The following TBX15 variants were observed in gnomAD, a reference collection of about 807,000 sequenced individuals.
TBX15 encodes T-box transcription factor TBX15.
In TBX15, 18 loss-of-function variants were observed where a neutral mutation model predicts 53.9. The observed-to-expected ratio is 0.33, with a 90% CI of 0.23 to 0.49. The LOEUF (loss-of-function observed/expected upper bound fraction) is 0.49. Among genes scored for constraint, TBX15 ranks in the 20% least tolerant of loss-of-function variants. The pLI, the probability that TBX15 is intolerant of heterozygous loss-of-function variation, is 0.98. For synonymous variants in TBX15, 295 were observed against 278.0 expected (o/e 1.06, Z -0.61); for missense variants, 692 against 749.5 (o/e 0.92, Z 0.90).
At chr1:118,917,312 G>A (rs761185899) in intron 5 of TBX15, among the ~76,000 whole-genome samples, 16 of 152,106 alleles carry the variant, frequency 1.1e-4, no homozygotes, top group East Asian at 1.9e-4. Context: ...GCAAACGAAC[G>A]CAGGAACAGA....
chr1:118,949,792 G>C (rs1337997812), intron 1 of TBX15, among the ~76,000 whole-genome samples: 2 of 152,120 alleles, frequency 1.3e-5, no homozygotes, highest in African/African-American at 4.8e-5. Flanking sequence ...AGGACCCCGA[G>C]AACTGGGAGA....
chr1:118,903,023 T>G (rs1290427959), intron 6 of TBX15, among the ~76,000 whole-genome samples: 1 of 152,062 alleles, frequency 6.6e-6, no homozygotes, highest in East Asian at 1.9e-4. Context: ...AGAGACCTGA[T>G]GTCATCTCTG....
At chr1:118,950,462 G>C (rs1010811899) in intron 1 of TBX15, among the ~76,000 whole-genome samples, 4 of 152,184 alleles carry the variant, frequency 2.6e-5, no homozygotes, top group Non-Finnish European at 4.4e-5. Flanking sequence ...CTCATCTTTG[G>C]CCTTAAACAT....
chr1:118,910,408 TTTG>T (rs10638324), intron 6 of TBX15, among the ~76,000 whole-genome samples: 30,085 of 151,290 alleles, frequency 0.2, 3,662 homozygotes, highest in East Asian at 0.53. Flanking sequence ...TTACAAGATT[TTTG>T]TTGTTGTTGT....
chr1:118,939,116 G>T (rs528707184), intron 1 of TBX15, among the ~76,000 whole-genome samples: 1 of 152,000 alleles, frequency 6.6e-6, no homozygotes, highest in East Asian at 1.9e-4. Flanking sequence ...GTGAATTAAC[G>T]CAGGAGCAGG....
chr1:118,919,234 G>A (rs138977732), intron 5 of TBX15, among the ~76,000 whole-genome samples: 55 of 152,320 alleles, frequency 3.6e-4, no homozygotes, highest in African/African-American at 1.3e-3. Context: ...TTTTCCCCCA[G>A]AGAAGACAAA....
rs150073093 is a variant in TBX15, at chr1:118,931,118, T to C, written c.419+501A>G. On this transcript the variant is annotated intron_variant, in intron 2 of 7. Coordinates refer to ENST00000369429, the MANE Select transcript of TBX15 (RefSeq NM_001330677.2). ...ACAGTTTTACAAGAAATTCCATAGG[T>C]CACCAATAAAGTTGTGTAATAATTT... Among the ~76,000 whole-genome samples, 435 of 152,352 alleles carry C rather than the reference T, an allele frequency of 2.9e-3. 1 individual carries two copies. Among genetic ancestry groups the C allele is most frequent in the African/African-American group, 0.01 (418 of 41,590 alleles).
chr1:118,893,949 G>C (rs2101477971), intron 7 of TBX15, among the ~76,000 whole-genome samples: 1 of 152,332 alleles, frequency 6.6e-6, no homozygotes, highest in East Asian at 1.9e-4. Flanking sequence ...GTGGATAAGA[G>C]ACATTAATGA....
intron 7 of TBX15, among the ~76,000 whole-genome samples, chr1:118,887,607 G>A (rs758277086): frequency 6.6e-6 from 1 of 151,892 alleles, no homozygotes; most frequent in Non-Finnish European, 1.5e-5. Flanking sequence ...CCCAGGAGGC[G>A]GAGGCTGCAG....
chr1:118,915,515 C>A (rs1267400676), intron 5 of TBX15, among the ~76,000 whole-genome samples: 1 of 152,180 alleles, frequency 6.6e-6, no homozygotes, highest in East Asian at 1.9e-4. Flanking sequence ...TTATGCAGCA[C>A]CAACAATGTA....
intron 2 of TBX15, among the ~76,000 whole-genome samples, chr1:118,930,485 G>T (rs1655742538): frequency 6.6e-6 from 1 of 152,126 alleles, no homozygotes; most frequent in Non-Finnish European, 1.5e-5. Flanking sequence ...GCACGATCTT[G>T]GCTCACTGCA....
At chr1:118,911,223 T>C (rs1655015919) in intron 6 of TBX15, among the ~76,000 whole-genome samples, 1 of 152,046 alleles carries the variant, frequency 6.6e-6, no homozygotes, top group South Asian at 2.1e-4. Flanking sequence ...AAAATACGAG[T>C]TGTTTTGAAG....
Position 118,931,706 on chromosome 1 carries a change from T to C in TBX15, c.332A>G (p.Glu111Gly). 1.2e-6 allele frequency: 2 copies of C among 1,613,986 alleles called. No homozygotes were observed. Among genetic ancestry groups the C allele is most frequent in the Non-Finnish European group, 1.7e-6 (2 of 1,179,954 alleles). ...GPVPAAMSSM[E>G]EIQVELQCAD... is the part of the protein sequence containing the mutation. Reference sequence around the variant, plus strand: ...ACATTGCAGCTCCACCTGAATCTCCTCCATGGAAGACATGGCAGCAGGCAC... The same window carrying C: ...ACATTGCAGCTCCACCTGAATCTCCCCCATGGAAGACATGGCAGCAGGCAC... Residue 111 changes from glutamate to glycine, a missense_variant, in exon 2 of 8, where the codon GAG (glutamate) becomes GGG (glycine). Around this residue, in one of 3 missense-constraint regions of TBX15, gnomAD observed 307 missense variants for 347.5 expected, o/e 0.88. Transcript: ENST00000369429.
At chr1:118,906,490 T>C (rs1654832446) in intron 6 of TBX15, among the ~76,000 whole-genome samples, 3 of 152,082 alleles carry the variant, frequency 2.0e-5, no homozygotes, top group Admixed American at 1.3e-4. Context: ...CACCTTCCAT[T>C]GGGTGTTGTG....
chr1:118,950,176 A>G lies in TBX15; in HGVS notation c.206-18344T>C, dbSNP rs896118407. Among the ~76,000 whole-genome samples the G allele has an allele frequency of 2.6e-5, 4 of 152,352 alleles. No homozygotes were observed. The South Asian group carries it at 8.3e-4, about 32-fold the overall frequency. On this transcript the variant is annotated intron_variant, in intron 1 of 7. Coordinates refer to ENST00000369429, the MANE Select transcript of TBX15 (RefSeq NM_001330677.2). The stretch of plus-strand genomic sequence containing the variant: ...AAGAAATTGTAAAAGACTGCTCTTC[A>G]GTGGCAGAAGGAACCCCCTCTTCAT...
intron 6 of TBX15, among the ~76,000 whole-genome samples, chr1:118,905,462 G>A (rs1486286059): frequency 2.6e-5 from 4 of 152,190 alleles, no homozygotes; most frequent in Admixed American, 6.5e-5. Context: ...CAGAAAAAAT[G>A]TTAAGTACTG....
intron 1 of TBX15, among the ~76,000 whole-genome samples, chr1:118,936,354 C>T (rs1038601413): frequency 7.2e-5 from 11 of 152,096 alleles, no homozygotes; most frequent in African/African-American, 2.7e-4. Context: ...ATTTTAAAAG[C>T]ATATTTTACA....
At chr1:118,910,940 C>G (rs1359688697) in intron 6 of TBX15, among the ~76,000 whole-genome samples, 1 of 152,128 alleles carries the variant, frequency 6.6e-6, no homozygotes, top group Non-Finnish European at 1.5e-5. Flanking sequence ...TGAGAATATA[C>G]AGTTTGATTT....
intron 1 of TBX15, among the ~76,000 whole-genome samples, chr1:118,985,751 CTG>C (rs1255651820): frequency 6.6e-6 from 1 of 152,224 alleles, no homozygotes; most frequent in Non-Finnish European, 1.5e-5. Context: ...CAACCGAACT[CTG>C]TTACATAAAG....
Sources: gnomAD v4.1 joint callset for allele counts (sites outside exome capture counted in the v4.1 genomes callset) on GRCh38, gnomAD v4.1.1 for gene constraint, gnomAD v4.1.1 regional missense constraint, MANE v1.5 for transcripts, NCBI Gene and HGNC (gene_info 2026-07-23, HGNC 2026-07-21) for gene names.